The following PIP5K1B variants were observed in gnomAD, a reference collection of about 807,000 sequenced individuals.
The protein encoded by PIP5K1B is phosphatidylinositol-4-phosphate 5-kinase type 1 beta.
Under a neutral mutation model 67.0 loss-of-function variants are expected in PIP5K1B, and 42 were observed. The observed-to-expected ratio is 0.63, with a 90% confidence interval of 0.49 to 0.81. PIP5K1B has a LOEUF of 0.81. Ranked by LOEUF, PIP5K1B falls within the 30% of genes least tolerant of loss-of-function variation. The pLI, the probability that PIP5K1B is intolerant of heterozygous loss-of-function variation, is 0.00. For synonymous variants in PIP5K1B, 214 were observed against 231.4 expected, an observed-to-expected ratio of 0.92 and a Z score of 0.68; for missense variants, 459 against 646.3, an observed-to-expected ratio of 0.71 and a Z score of 3.14.
intron 2 of PIP5K1B, chr9:68,780,537 GACA>G (rs1831204294): frequency 6.2e-7 from 1 of 1,614,094 alleles, no homozygotes; most frequent in African/African-American, 1.3e-5. Flanking sequence ...CAGCCTGAGT[GACA>G]ACGACGTGGA....
At chr9:68,789,193 G>T in intron 2 of PIP5K1B, 1 of 536,634 alleles carries the variant, frequency 1.9e-6, no homozygotes, top group Non-Finnish European at 3.6e-6. Context: ...CCAGTGGGAA[G>T]TTGGTCACCC....
rs201605764 is a variant in PIP5K1B at position 68,836,677 on chromosome 9, G to GT, written c.69+14003dup. Among the ~76,000 whole-genome samples, 970 of 150,680 alleles carry GT rather than the reference G, an allele frequency of 6.4e-3. 9 individuals carry two copies. Among genetic ancestry groups the GT allele is most frequent in the Non-Finnish European group, 7.5e-3 (507 of 67,592 alleles). On this transcript the variant is annotated intron_variant, in intron 4 of 15. Coordinates refer to ENST00000265382, the MANE Select transcript of PIP5K1B (RefSeq NM_003558.4). ...TTATTTTTAAGTGTGCATTTTTTTT[G>GT]TTTTTTTTTATTATGAGGGTCCTGA... is the stretch of plus-strand genomic sequence containing the variant.
chr9:68,898,351 G>A (rs1437533998), intron 8 of PIP5K1B, among the ~76,000 whole-genome samples: 2 of 152,084 alleles, frequency 1.3e-5, no homozygotes, highest in East Asian at 3.9e-4. Flanking sequence ...TAAATGATGA[G>A]TCCCCTTTCT....
intron 14 of PIP5K1B, among the ~76,000 whole-genome samples, chr9:68,989,144 T>A (rs905503606): frequency 6.7e-6 from 1 of 148,840 alleles, no homozygotes; most frequent in Non-Finnish European, 1.5e-5. Flanking sequence ...TTTAACAAGT[T>A]TTTTTTTTAA....
intron 1 of PIP5K1B, among the ~76,000 whole-genome samples, chr9:68,726,159 T>TTA (rs1828138699): frequency 6.6e-6 from 1 of 152,204 alleles, no homozygotes; most frequent in Non-Finnish European, 1.5e-5. Context: ...AAAGGATAAA[T>TTA]GCTTGAGGTG....
intron 6 of PIP5K1B, among the ~76,000 whole-genome samples, chr9:68,878,276 A>G (rs187579529): frequency 1.0e-3 from 152 of 152,222 alleles, no homozygotes; most frequent in Admixed American, 4.0e-3. Context: ...CACACTGTTG[A>G]TCCAGTCAAT....
At chr9:68,904,113 C>T (rs551974160) in intron 8 of PIP5K1B, among the ~76,000 whole-genome samples, 3 of 152,256 alleles carry the variant, frequency 2.0e-5, no homozygotes, top group Admixed American at 6.5e-5. Flanking sequence ...GTTCAGCTTC[C>T]GCAGGTCCAC....
rs1267193930 is a variant in PIP5K1B at position 68,843,739 on chromosome 9, CA to C, written c.70-20096del. 4.6e-5 allele frequency among the ~76,000 whole-genome samples: 7 copies of C among 152,320 alleles called. No homozygotes were observed. The East Asian group carries it at 9.7e-4, about 21-fold the overall frequency. On this transcript the variant is annotated intron_variant, in intron 4 of 15. Transcript: ENST00000265382. The stretch of plus-strand genomic sequence containing the variant: ...TGTTGGGAAAACCTATTTCCTTACC[CA>C]ACGAGACTGTAGAAAATTCCCCTCA...
At chr9:68,923,432 C>A in intron 12 of PIP5K1B, 46 bp downstream of exon 12, 1 of 932,722 alleles carries the variant, frequency 1.1e-6, no homozygotes, top group Non-Finnish European at 1.7e-6. Context: ...CAGCTAATTT[C>A]ATTATGTATC....
intron 2 of PIP5K1B, among the ~76,000 whole-genome samples, chr9:68,802,725 G>A (rs1394969251): frequency 1.3e-5 from 2 of 152,168 alleles, no homozygotes; most frequent in Non-Finnish European, 2.9e-5. Flanking sequence ...TGTGTGCAAA[G>A]GTAAGATGCA....
chr9:68,785,109 A>C (rs1411399547), intron 2 of PIP5K1B, among the ~76,000 whole-genome samples: 1 of 152,202 alleles, frequency 6.6e-6, no homozygotes, highest in Non-Finnish European at 1.5e-5. Context: ...GATGGCAGGC[A>C]CAAGGAAGTG....
intron 1 of PIP5K1B, among the ~76,000 whole-genome samples, chr9:68,740,474 C>A (rs772141046): frequency 6.6e-6 from 1 of 152,134 alleles, no homozygotes; most frequent in Admixed American, 6.6e-5. Context: ...ACAGAAATAA[C>A]CTGTGTCTTC....
intron 12 of PIP5K1B, among the ~76,000 whole-genome samples, chr9:68,924,433 A>G (rs1826578857): frequency 3.3e-5 from 5 of 151,362 alleles, no homozygotes; most frequent in Admixed American, 2.6e-4. Context: ...AAATGAAAAA[A>G]GAAAAATCTC....
intron 2 of PIP5K1B, among the ~76,000 whole-genome samples, chr9:68,764,074 CTTTTTT>C (rs72304177): frequency 4.1e-5 from 3 of 73,516 alleles, no homozygotes; most frequent in African/African-American, 5.4e-5. Context: ...ACTATAACTT[CTTTTTT>C]TTTTTTTTTT....
chr9:68,713,971 C>A (rs1827515816), intron 1 of PIP5K1B, among the ~76,000 whole-genome samples: 1 of 152,102 alleles, frequency 6.6e-6, no homozygotes, highest in South Asian at 2.1e-4. Context: ...GAGCACAGAA[C>A]CAGTAAGGGA....
intron 8 of PIP5K1B, among the ~76,000 whole-genome samples, chr9:68,904,493 T>TA (rs1333611753): frequency 2.6e-5 from 4 of 152,218 alleles, no homozygotes; most frequent in Admixed American, 2.6e-4. Flanking sequence ...TCCAAACATT[T>TA]AATTTTAAAA....
intron 4 of PIP5K1B, among the ~76,000 whole-genome samples, chr9:68,827,494 A>C (rs1834048851): frequency 6.6e-6 from 1 of 152,170 alleles, no homozygotes; most frequent in African/African-American, 2.4e-5. Context: ...GATGACTGCC[A>C]TGCTGGGGAG....
At chr9:68,834,469 T>C (rs1834489044) in intron 4 of PIP5K1B, among the ~76,000 whole-genome samples, 1 of 152,236 alleles carries the variant, frequency 6.6e-6, no homozygotes, top group Non-Finnish European at 1.5e-5. Context: ...TTGGCAGTTA[T>C]GTCCTGCCAA....
intron 5 of PIP5K1B, among the ~76,000 whole-genome samples, chr9:68,868,329 A>G (rs1399529600): frequency 6.6e-6 from 1 of 152,220 alleles, no homozygotes; most frequent in Non-Finnish European, 1.5e-5. Flanking sequence ...AACATTTTTA[A>G]AAACTAATTG....
Sources: gnomAD v4.1 joint callset for allele counts (sites outside exome capture counted in the v4.1 genomes callset) on GRCh38, gnomAD v4.1.1 for gene constraint, MANE v1.5 for transcripts, NCBI Gene and HGNC (gene_info 2026-07-23, HGNC 2026-07-21) for gene names.